The following ADGRG7 variants were observed in gnomAD, a reference collection of about 807,000 sequenced individuals.
The protein encoded by ADGRG7 is adhesion G protein-coupled receptor G7.
ADGRG7 carries 82 observed loss-of-function variants against 88.6 expected under a neutral mutation model. The observed-to-expected ratio is 0.93, with a 90% CI of 0.77 to 1.11. The LOEUF (loss-of-function observed/expected upper bound fraction) is 1.11, where lower values mean the gene tolerates loss of function less well. ADGRG7 is among the 50% of genes most tolerant of loss of function. The pLI is 0.00. For missense variants in ADGRG7, 945 were observed against 953.4 expected (o/e 0.99, Z 0.12); for synonymous variants, 381 against 345.2 (o/e 1.10, Z -1.15).
chr3:100,616,343 G>T (rs184618821), intron 1 of ADGRG7, among the ~76,000 whole-genome samples: 249 of 151,798 alleles, frequency 1.6e-3, no homozygotes, highest in Middle Eastern at 3.4e-3. Context: ...ATCTGAAAGA[G>T]AATATAAAAT....
intron 14 of ADGRG7, among the ~76,000 whole-genome samples, chr3:100,660,944 C>T (rs537371870): frequency 6.8e-6 from 1 of 147,228 alleles, no homozygotes; most frequent in Non-Finnish European, 1.5e-5. Context: ...AAGAGCGAAA[C>T]TCCATCTCAA....
chr3:100,643,856 G>T (rs1236952716), intron 8 of ADGRG7, among the ~76,000 whole-genome samples: 2 of 152,140 alleles, frequency 1.3e-5, no homozygotes, highest in Non-Finnish European at 2.9e-5. Context: ...CTTTTGGAAG[G>T]TAGCAGAATT....
intron 15 of ADGRG7, among the ~76,000 whole-genome samples, chr3:100,693,858 G>C (rs748333237): frequency 1.3e-4 from 20 of 152,028 alleles, no homozygotes; most frequent in Non-Finnish European, 2.4e-4. Context: ...TTCCACAAAG[G>C]ATATTAATAA....
In ADGRG7 at chr3:100,619,187, C is replaced by G. The variant is rs556833918; in HGVS notation, c.115+9216C>G. ...GCACTCCTCAGCAAATGTAAAAGAACAGAAATCATAACAAACTGTGTCTCA... is the reference window on the plus strand; with the variant it reads ...GCACTCCTCAGCAAATGTAAAAGAAGAGAAATCATAACAAACTGTGTCTCA... On this transcript the variant is annotated intron_variant, in intron 1 of 15. Coordinates refer to ENST00000273352, the MANE Select transcript of ADGRG7 (RefSeq NM_032787.3). Among the ~76,000 whole-genome samples the G allele has an allele frequency of 1.3e-4, 20 of 152,170 alleles. 1 individual carries two copies. The highest frequency in any genetic ancestry group is 3.6e-4 in the African/African-American group (15 of 41,532).
At chr3:100,644,922 G>A (rs1180946369) in intron 8 of ADGRG7, among the ~76,000 whole-genome samples, 5 of 152,216 alleles carry the variant, frequency 3.3e-5, no homozygotes, top group African/African-American at 1.2e-4. Flanking sequence ...AAACAATTTG[G>A]TGATGTCAAT....
intron 8 of ADGRG7, among the ~76,000 whole-genome samples, chr3:100,645,383 G>C (rs560457492): frequency 4.6e-5 from 7 of 152,260 alleles, no homozygotes; most frequent in African/African-American, 1.7e-4. Context: ...ACAGAGCAGG[G>C]GACAATAGTT....
At chr3:100,635,000 G>GAC (rs142620077) in intron 4 of ADGRG7, among the ~76,000 whole-genome samples, 81,451 of 146,576 alleles carry the variant, frequency 0.56, 23,214 homozygotes, top group East Asian at 0.9. Flanking sequence ...TGAAAACCAA[G>GAC]ACACACACAC....
intron 15 of ADGRG7, among the ~76,000 whole-genome samples, chr3:100,672,864 G>T (rs2094960443): frequency 6.6e-6 from 1 of 152,168 alleles, no homozygotes; most frequent in South Asian, 2.1e-4. Context: ...TACATTTGTT[G>T]ATTTGTGTAT....
chr3:100,643,562 T>C lies in ADGRG7; in HGVS notation c.875T>C (p.Ile292Thr). 1 of 1,613,996 alleles carries C rather than the reference T, an allele frequency of 6.2e-7. No homozygotes were observed. Among genetic ancestry groups the C allele is most frequent in the Non-Finnish European group, 8.5e-7 (1 of 1,179,936 alleles). The change falls in exon 8 of 16, where the codon ATA (isoleucine) becomes ACA (threonine). Residue 292 changes from isoleucine (I) to threonine (T), a missense_variant. By Grantham distance (89) the Ile-to-Thr change is moderately conservative (BLOSUM62 -1). Transcript: ENST00000273352. Reference protein sequence around the residue: ...SSSLVSSSTFIHTNVDGLNPD... With the variant: ...SSSLVSSSTFTHTNVDGLNPD... ...TCTCTAGTTTCTAGTTCAACATTTA[T>C]ACATACAAATGTGGATGGCCTTAAC...
rs142426517 is a variant in ADGRG7 at position 100,686,491 on chromosome 3, C to G, written c.2137-8253C>G. Among the ~76,000 whole-genome samples the G allele has an allele frequency of 5.2e-3, 797 of 152,204 alleles. 5 individuals are homozygous for G. Among genetic ancestry groups the G allele is most frequent in the African/African-American group, 0.018 (755 of 41,540 alleles). On this transcript the variant is annotated intron_variant, in intron 15 of 15. Coordinates refer to ENST00000273352, the MANE Select transcript of ADGRG7 (RefSeq NM_032787.3). ...ACGATATTGCCTAGGTTTTCTTCTA[C>G]GGTTTTTATGGTTTTAGGTCTAACA... is the stretch of plus-strand genomic sequence containing the variant.
At chr3:100,659,347 G>T (rs1285397024) in intron 13 of ADGRG7, among the ~76,000 whole-genome samples, 3 of 150,490 alleles carry the variant, frequency 2.0e-5, no homozygotes, top group African/African-American at 7.3e-5. Context: ...GGCTGAGGCA[G>T]GAGAATGGTG....
chr3:100,693,898 G>T (rs2094997974), intron 15 of ADGRG7, among the ~76,000 whole-genome samples: 3 of 152,146 alleles, frequency 2.0e-5, no homozygotes, highest in Admixed American at 2.0e-4. Flanking sequence ...TAAAAGCTAT[G>T]ATACACTTTG....
intron 1 of ADGRG7, among the ~76,000 whole-genome samples, chr3:100,621,366 T>C (rs969116655): frequency 6.6e-6 from 1 of 152,200 alleles, no homozygotes; most frequent in Non-Finnish European, 1.5e-5. Context: ...AAATTGTGAT[T>C]GCAAAGGAAA....
chr3:100,682,183 C>T (rs1427014174), intron 15 of ADGRG7, among the ~76,000 whole-genome samples: 1 of 152,142 alleles, frequency 6.6e-6, no homozygotes, highest in Admixed American at 6.5e-5. Context: ...TGGGAACCCA[C>T]CCCCGGGAGC....
At chr3:100,610,625 CA>C (rs535280728) in intron 1 of ADGRG7, among the ~76,000 whole-genome samples, 262 of 152,236 alleles carry the variant, frequency 1.7e-3, no homozygotes, top group African/African-American at 6.0e-3. Context: ...GTGAGTAAAA[CA>C]ATGATGTTAA....
At chr3:100,666,691 G>C (rs201179183) in intron 14 of ADGRG7, among the ~76,000 whole-genome samples, 1 of 152,116 alleles carries the variant, frequency 6.6e-6, no homozygotes. Flanking sequence ...GACCCTTTAC[G>C]GGTGTCAGGC....
chr3:100,666,766 C>G (rs917709715), intron 14 of ADGRG7, among the ~76,000 whole-genome samples: 1 of 152,174 alleles, frequency 6.6e-6, no homozygotes, highest in African/African-American at 2.4e-5. Flanking sequence ...TGGGGAGAAA[C>G]CTTGGACAAT....
chr3:100,652,800 C>G (rs1239537962), intron 11 of ADGRG7, among the ~76,000 whole-genome samples: 1 of 151,820 alleles, frequency 6.6e-6, no homozygotes, highest in Non-Finnish European at 1.5e-5. Context: ...CACTCATACA[C>G]ATTCACTCAT....
intron 14 of ADGRG7, among the ~76,000 whole-genome samples, chr3:100,663,970 T>C (rs1320036431): frequency 6.6e-6 from 1 of 152,074 alleles, no homozygotes; most frequent in Non-Finnish European, 1.5e-5. Flanking sequence ...TTAACGTTAT[T>C]ATCTATGGCC....
Sources: allele counts gnomAD v4.1 joint callset (sites outside exome capture counted in the v4.1 genomes callset), GRCh38; gene constraint gnomAD v4.1.1; transcripts MANE v1.5; gene names NCBI Gene and HGNC (gene_info 2026-07-23, HGNC 2026-07-21).